PTPRD: variants seen among roughly 807,000 people sequenced by gnomAD.
PTPRD encodes protein tyrosine phosphatase receptor type D.
PTPRD carries 34 observed loss-of-function variants against 214.5 expected under a neutral mutation model. That is an observed-to-expected ratio of 0.16 (90% confidence interval 0.12 to 0.21). PTPRD has a LOEUF of 0.21. PTPRD is among the 10% of genes least tolerant of loss of function. The pLI, the probability that PTPRD is intolerant of heterozygous loss-of-function variation, is 1.00. For synonymous variants in PTPRD, 1,128 were observed against 845.7 expected (o/e 1.33, Z -5.79); for missense variants, 2,545 against 2,398.7 (o/e 1.06, Z -1.27).
At chr9:10,018,566 G>C (rs867679822) in intron 4 of PTPRD, among the ~76,000 whole-genome samples, 2 of 8,902 alleles carry the variant, frequency 2.2e-4, no homozygotes, top group African/African-American at 3.9e-4. Context: ...TTTTTTTTTT[G>C]AGACGGAGTC....
intron 3 of PTPRD, among the ~76,000 whole-genome samples, chr9:10,278,598 C>G (rs1164375269): frequency 6.6e-6 from 1 of 152,108 alleles, no homozygotes; most frequent in Non-Finnish European, 1.5e-5. Flanking sequence ...GTTCTATCTC[C>G]TGATCTAGGT....
At chr9:9,228,165 T>A (rs1457288523) in intron 9 of PTPRD, among the ~76,000 whole-genome samples, 1 of 152,146 alleles carries the variant, frequency 6.6e-6, no homozygotes, top group Non-Finnish European at 1.5e-5. Flanking sequence ...CACTTGCTTA[T>A]ATTAAATAAT....
At chr9:10,569,266 T>C (rs978274850) in intron 2 of PTPRD, among the ~76,000 whole-genome samples, 7 of 152,006 alleles carry the variant, frequency 4.6e-5, no homozygotes, top group Non-Finnish European at 1.0e-4. Context: ...AAAAGTCAGG[T>C]AACAACAGGT....
At chr9:10,407,966 A>T (rs1202716162) in intron 2 of PTPRD, among the ~76,000 whole-genome samples, 1 of 151,538 alleles carries the variant, frequency 6.6e-6, no homozygotes, top group African/African-American at 2.4e-5. Flanking sequence ...TCAAAAGCTT[A>T]TTTTATCTAA....
chr9:8,690,506 G>A (rs981776189), intron 12 of PTPRD, among the ~76,000 whole-genome samples: 1 of 147,404 alleles, frequency 6.8e-6, no homozygotes, highest in Admixed American at 6.8e-5. Context: ...TCCAGTCTGG[G>A]CGACAGAGCA....
intron 7 of PTPRD, among the ~76,000 whole-genome samples, chr9:9,590,065 C>G (rs1030752560): frequency 3.3e-5 from 5 of 151,946 alleles, no homozygotes; most frequent in African/African-American, 1.2e-4. Flanking sequence ...AGAGTACAAA[C>G]ATTTATAATA....
chr9:8,514,056 A>C (rs903414971), intron 21 of PTPRD, among the ~76,000 whole-genome samples: 1 of 152,114 alleles, frequency 6.6e-6, no homozygotes, highest in African/African-American at 2.4e-5. Flanking sequence ...CATTAAATTA[A>C]ATCAGAGCTT....
chr9:10,332,065 T>G (rs1486706988), intron 3 of PTPRD, among the ~76,000 whole-genome samples: 1 of 151,848 alleles, frequency 6.6e-6, no homozygotes, highest in African/African-American at 2.4e-5. Context: ...AATGCATTTA[T>G]TTTTTACATT....
chr9:8,874,647 A>T (rs1162890609), intron 11 of PTPRD, among the ~76,000 whole-genome samples: 1 of 152,202 alleles, frequency 6.6e-6, no homozygotes, highest in African/African-American at 2.4e-5. Context: ...TGGAAATTGC[A>T]TTGGAGTTGA....
intron 11 of PTPRD, among the ~76,000 whole-genome samples, chr9:8,842,416 G>T (rs1463583273): frequency 6.6e-6 from 1 of 152,116 alleles, no homozygotes; most frequent in African/African-American, 2.4e-5. Flanking sequence ...AAAAGTTAGG[G>T]TATACAAGGG....
chr9:10,046,814 C>A (rs984128865), intron 3 of PTPRD, among the ~76,000 whole-genome samples: 50 of 151,900 alleles, frequency 3.3e-4, no homozygotes, highest in African/African-American at 1.2e-3. Flanking sequence ...TTAGTTTAGG[C>A]AAATGCCTTC....
chr9:8,911,486 ATACT>A (rs1238702703), intron 11 of PTPRD, among the ~76,000 whole-genome samples: 5 of 151,812 alleles, frequency 3.3e-5, no homozygotes, highest in Admixed American at 6.6e-5. Flanking sequence ...AACACTTTTG[ATACT>A]TACCTCAAAC....
chr9:9,913,543 G>A (rs1258824441), intron 5 of PTPRD, among the ~76,000 whole-genome samples: 2 of 152,128 alleles, frequency 1.3e-5, no homozygotes, highest in South Asian at 2.1e-4. Context: ...GAGTGGAGAT[G>A]CACCAGTAGT....
intron 9 of PTPRD, among the ~76,000 whole-genome samples, chr9:9,392,107 G>A (rs1024681434): frequency 1.3e-5 from 2 of 152,140 alleles, no homozygotes; most frequent in African/African-American, 2.4e-5. Flanking sequence ...AGCCGGAAAA[G>A]CAGTGAGGCA....
rs200368194 is a variant in PTPRD at position 10,373,145 on chromosome 9, A to T, written c.-599-32128T>A. 1.1e-3 allele frequency among the ~76,000 whole-genome samples: 98 copies of T among 86,920 alleles called. 1 individual carries two copies. The East Asian group carries it at 0.14, about 124-fold the overall frequency. 57.0% of individuals were successfully genotyped at this position (86,920 alleles called of 152,430 possible). A position where few individuals can be genotyped will look rare whatever the true frequency, so the allele number is the denominator to read the frequency against. ...CTGTGCCCGGCCTGTCTTTATACTT[A>T]AAAAAAAAAAAAAAATTGATGAAGT... is the stretch of plus-strand genomic sequence containing the variant. On this transcript the variant is annotated intron_variant, in intron 2 of 45. Coordinates refer to ENST00000381196, the MANE Select transcript of PTPRD (RefSeq NM_002839.4).
chr9:9,225,725 G>C (rs1416106273), intron 9 of PTPRD, among the ~76,000 whole-genome samples: 1 of 152,064 alleles, frequency 6.6e-6, no homozygotes, highest in Admixed American at 6.6e-5. Flanking sequence ...GATGGAAAAA[G>C]AAGTCAGCCT....
intron 9 of PTPRD, among the ~76,000 whole-genome samples, chr9:9,344,827 G>T (rs1023179552): frequency 1.3e-5 from 2 of 151,936 alleles, no homozygotes; most frequent in African/African-American, 4.8e-5. Flanking sequence ...TTGAAACATG[G>T]TAGTTAAGAA....
chr9:10,375,596 G>C (rs891012613), intron 2 of PTPRD, among the ~76,000 whole-genome samples: 1 of 151,908 alleles, frequency 6.6e-6, no homozygotes, highest in Non-Finnish European at 1.5e-5. Flanking sequence ...ATAACAAAAA[G>C]AATAGTTCAG....
intron 8 of PTPRD, among the ~76,000 whole-genome samples, chr9:9,407,118 C>G (rs1223574685): frequency 1.3e-5 from 2 of 151,672 alleles, no homozygotes; most frequent in Non-Finnish European, 1.5e-5. Context: ...TAAGTTCAAT[C>G]CCTCATTACC....
Sources: gnomAD v4.1 joint callset for allele counts (sites outside exome capture counted in the v4.1 genomes callset) on GRCh38, gnomAD v4.1.1 for gene constraint, MANE v1.5 for transcripts, NCBI Gene and HGNC (gene_info 2026-07-23, HGNC 2026-07-21) for gene names.